The following ZBTB1 variants were observed in gnomAD, a reference collection of about 807,000 sequenced individuals.
ZBTB1 encodes the protein zinc finger and BTB domain-containing protein 1.
ZBTB1 carries 13 observed loss-of-function variants against 51.6 expected under a neutral mutation model. The observed-to-expected ratio is 0.25, with a 90% CI of 0.16 to 0.40. ZBTB1 has a LOEUF of 0.40. ZBTB1 is among the 10% of genes least tolerant of loss of function. The pLI is 1.00. For missense variants in ZBTB1, 567 were observed against 856.5 expected (o/e 0.66, Z 4.22); for synonymous variants, 240 against 282.2 (o/e 0.85, Z 1.50).
intron 1 of ZBTB1, among the ~76,000 whole-genome samples, chr14:64,508,026 G>A (rs891115382): frequency 6.6e-6 from 1 of 152,134 alleles, no homozygotes; most frequent in African/African-American, 2.4e-5. Context: ...GATGTGGCAT[G>A]GAAGAGACTG....
chr14:64,526,540 T>G (rs61985711), downstream of ZBTB1, among the ~76,000 whole-genome samples: 10 of 152,100 alleles, frequency 6.6e-5, no homozygotes, highest in African/African-American at 2.4e-4. Flanking sequence ...TGAGACTCTT[T>G]TGCTTTGGCC....
In ZBTB1 at chr14:64,522,562, A is replaced by G; in HGVS notation, c.1058A>G (p.Asn353Ser). 6.2e-7 allele frequency: 1 copy of G among 1,613,978 alleles called. No homozygotes were observed. Among genetic ancestry groups the G allele is most frequent in the Non-Finnish European group, 8.5e-7 (1 of 1,179,976 alleles). The change falls in exon 2 of 2, where the codon AAT becomes AGT. Residue 353 changes from asparagine to serine, a missense_variant. Physicochemically the swap from Asn to Ser is conservative, Grantham distance 46 (BLOSUM62 1). Coordinates refer to ENST00000683701, the MANE Select transcript of ZBTB1 (RefSeq NM_001123329.2). ...ATTAAAGTTACTGATAAAGACTGTA[A>G]TGAATCCACTGACAATGATGAATTA... The part of the protein sequence containing the change: ...NIIKVTDKDC[N>S]ESTDNDELED...
intron 1 of ZBTB1, among the ~76,000 whole-genome samples, chr14:64,509,241 A>C (rs930912869): frequency 1.3e-5 from 2 of 152,194 alleles, no homozygotes; most frequent in Admixed American, 6.5e-5. Flanking sequence ...GTGGTGCCGC[A>C]TGCCTGTAGT....
At chr14:64,510,549 C>T (rs1304948911) in intron 1 of ZBTB1, among the ~76,000 whole-genome samples, 1 of 152,212 alleles carries the variant, frequency 6.6e-6, no homozygotes, top group Admixed American at 6.5e-5. Flanking sequence ...CCCAAAGAAC[C>T]AATCGGCATG....
At position 64,508,005 on chromosome 14, in the gene ZBTB1, C is replaced by T. The variant is rs545106935; in HGVS notation, c.-19+3059C>T. Among the ~76,000 whole-genome samples, 4 of 152,208 alleles carry T rather than the reference C, an allele frequency of 2.6e-5. 1 individual carries two copies. The South Asian group carries it at 8.3e-4, about 32-fold the overall frequency. ...ATTGGACGAAAGAAGGGTCAATGACCGCTGTTTTCAGATGTGGCATGGAAG... is the reference window on the plus strand; with the variant it reads ...ATTGGACGAAAGAAGGGTCAATGACTGCTGTTTTCAGATGTGGCATGGAAG... On this transcript the variant is annotated intron_variant, in intron 1 of 1. Transcript: ENST00000683701.
In ZBTB1 at chr14:64,532,138, G is replaced by A. The variant is rs55919712; in HGVS notation, c.*241G>A. The stretch of plus-strand genomic sequence containing the variant: ...ACTCTAATATTTGTGTAAATCTGCT[G>A]AAGAAAAGTAACTAGAAAATTCATA... On this transcript the variant is annotated 3_prime_UTR_variant, in exon 3 of 3. Coordinates refer to the ZBTB1 transcript ENST00000358738. 2.4e-3 allele frequency: 978 copies of A among 415,428 alleles called. 9 individuals are homozygous for A. Among genetic ancestry groups the A allele is most frequent in the African/African-American group, 0.018 (892 of 48,556 alleles). 25.7% of individuals were successfully genotyped at this position (415,428 alleles called of 1,614,324 possible). A position where few individuals can be genotyped will look rare whatever the true frequency, so the allele number is the denominator to read the frequency against.
chr14:64,515,520 A>T (rs907469730), intron 1 of ZBTB1, among the ~76,000 whole-genome samples: 1 of 134,942 alleles, frequency 7.4e-6, no homozygotes, highest in African/African-American at 2.7e-5. Context: ...ATGCCTCATA[A>T]TTTTTTTTTT....
In ZBTB1 at chr14:64,522,017, T is replaced by G; in HGVS notation, c.513T>G (p.His171Gln). The change falls in exon 2 of 2, where the codon CAT becomes CAG. Residue 171 changes from histidine to glutamine, a missense_variant. His to Gln is a conservative substitution (Grantham distance 24, BLOSUM62 0). Around this residue, in one of 5 missense-constraint regions of ZBTB1, gnomAD observed 74 missense variants for 74.9 expected, o/e 0.99. Coordinates refer to ENST00000683701, the MANE Select transcript of ZBTB1 (RefSeq NM_001123329.2). ...AEPSSTVNTP[H>Q]NREADEESLQ... is the part of the protein sequence containing the mutation. ...CAAGTTCAACGGTAAATACACCACA[T>G]AATAGAGAGGCTGATGAAGAGTCTT... is the stretch of plus-strand genomic sequence containing the variant. 1 of 1,614,230 alleles carries G rather than the reference T, an allele frequency of 6.2e-7. No homozygotes were observed. The highest frequency in any genetic ancestry group is 8.5e-7 in the Non-Finnish European group (1 of 1,180,048).
At chr14:64,527,761 G>GTCTT (rs1224244574), downstream of ZBTB1, among the ~76,000 whole-genome samples, 31 of 152,138 alleles carry the variant, frequency 2.0e-4, no homozygotes, top group Non-Finnish European at 1.5e-4. Flanking sequence ...AACAGAGCAA[G>GTCTT]ACTCCATCTC....
At chr14:64,504,752 C>T (rs1481020097), upstream of ZBTB1, 5 of 373,740 alleles carry the variant, frequency 1.3e-5, no homozygotes, top group Non-Finnish European at 2.4e-5. Flanking sequence ...CGCGGCTGTG[C>T]GGCAGCGGAA....
chr14:64,510,007 T>C (rs565217267), intron 1 of ZBTB1, among the ~76,000 whole-genome samples: 1 of 151,204 alleles, frequency 6.6e-6, no homozygotes, highest in African/African-American at 2.4e-5. Context: ...GTGTAGGATC[T>C]GCTCAAAGAA....
rs750487105 is a variant in ZBTB1, at chr14:64,531,947, A to T, written c.*50A>T. 7 of 1,605,086 alleles carry T rather than the reference A, an allele frequency of 4.4e-6. No individual in the cohort carries two copies. In the African/African-American group the frequency reaches 5.4e-5, roughly 12 times the overall value. ...GGGGAAGAATCAATCTTCAACAGAT[A>T]ATCTTTAAGTACAGACCCAGGAATA... On this transcript the variant is annotated 3_prime_UTR_variant, in exon 3 of 3. Coordinates refer to the ZBTB1 transcript ENST00000358738.
intron 1 of ZBTB1, among the ~76,000 whole-genome samples, chr14:64,521,170 A>G (rs1042956409): frequency 1.3e-5 from 2 of 152,192 alleles, no homozygotes; most frequent in Non-Finnish European, 2.9e-5. Flanking sequence ...GCCTCCTTCA[A>G]GTATTTTTAA....
chr14:64,529,183 A>G (rs1031282902), downstream of ZBTB1, among the ~76,000 whole-genome samples: 3 of 152,088 alleles, frequency 2.0e-5, no homozygotes, highest in Non-Finnish European at 4.4e-5. Flanking sequence ...TAAACTTAAA[A>G]CAGTTAGTGG....
At chr14:64,531,464 AT>A (rs1193935614) in intron 2 of ZBTB1, among the ~76,000 whole-genome samples, 1 of 152,182 alleles carries the variant, frequency 6.6e-6, no homozygotes, top group Non-Finnish European at 1.5e-5. Context: ...CTTTAAAAAA[AT>A]TGTTAGATTT....
chr14:64,505,050 C>A (rs908083298), intron 1 of ZBTB1, 104 bp downstream of exon 1: 3 of 375,072 alleles, frequency 8.0e-6, no homozygotes, highest in Non-Finnish European at 1.4e-5. Flanking sequence ...GGCGCCGATC[C>A]GTGCGGGGAG....
intron 1 of ZBTB1, among the ~76,000 whole-genome samples, chr14:64,519,189 C>T (rs1304428280): frequency 4.7e-5 from 7 of 147,896 alleles, no homozygotes; most frequent in African/African-American, 1.7e-4. Flanking sequence ...GTTCTTGTCA[C>T]CCAGGCTGGA....
intron 1 of ZBTB1, among the ~76,000 whole-genome samples, chr14:64,516,400 A>G (rs1454607070): frequency 6.6e-6 from 1 of 152,272 alleles, no homozygotes; most frequent in Non-Finnish European, 1.5e-5. Flanking sequence ...GGACATTTGC[A>G]TAATAATGTT....
chr14:64,522,756 G>A lies in ZBTB1; in HGVS notation c.1252G>A (p.Ala418Thr), dbSNP rs930961259. ...PNNSSPVQED[A>T]ENASCELCGL... ...CAACAGCAGTCCAGTACAAGAGGAT[G>A]CTGAAAATGCATCTTGTGAGCTGTG... Residue 418 changes from alanine (A) to threonine (T), a missense_variant, in exon 2 of 2, where the codon GCT (alanine) becomes ACT (threonine). By Grantham distance (58) the Ala-to-Thr change is moderately conservative. Transcript: ENST00000683701. 26 of 1,614,092 alleles carry A rather than the reference G, an allele frequency of 1.6e-5. No individual in the cohort carries two copies. Among genetic ancestry groups the A allele is most frequent in the Non-Finnish European group, 2.2e-5 (26 of 1,180,026 alleles).
Sources: allele counts gnomAD v4.1 joint callset (sites outside exome capture counted in the v4.1 genomes callset), GRCh38; gene constraint gnomAD v4.1.1; regional missense constraint gnomAD v4.1.1; transcripts MANE v1.5; gene names NCBI Gene and HGNC (gene_info 2026-07-23, HGNC 2026-07-21).